MAST4: variants seen among roughly 807,000 people sequenced by gnomAD.
The protein encoded by MAST4 is microtubule-associated serine/threonine-protein kinase 4.
MAST4 carries 89 observed loss-of-function variants against 162.7 expected under a neutral mutation model. The ratio of observed to expected loss-of-function variants is 0.55; its 90% CI spans 0.46 to 0.65. MAST4 has a LOEUF of 0.65. Ranked by LOEUF, MAST4 falls within the 30% of genes least tolerant of loss-of-function variation. The pLI, the probability that MAST4 is intolerant of heterozygous loss-of-function variation, is 0.00. For missense variants in MAST4, 3,153 were observed against 3,374.0 expected (o/e 0.93, Z 1.62); for synonymous variants, 1,479 against 1,361.1 (o/e 1.09, Z -1.91).
rs188829255 is a variant in MAST4, at chr5:67,039,504, A to G, written c.675-14900A>G. Among the ~76,000 whole-genome samples, 123 of 152,278 alleles carry G rather than the reference A, an allele frequency of 8.1e-4. 2 individuals carry two copies. Among genetic ancestry groups the G allele is most frequent in the Non-Finnish European group, 1.5e-4 (10 of 68,016 alleles). On this transcript the variant is annotated intron_variant, in intron 4 of 28. Transcript: ENST00000403625. ...TGTCTGGTGAATATGGTGAGGAGGA[A>G]TTGATGTGTTATCCTGGAGCTTGGA...
At chr5:66,994,894 TGAAA>T (rs1488371285) in intron 4 of MAST4, among the ~76,000 whole-genome samples, 3 of 152,182 alleles carry the variant, frequency 2.0e-5, no homozygotes, top group African/African-American at 7.2e-5. Flanking sequence ...TTTTGAGCAG[TGAAA>T]GAAAGCTTTT....
chr5:67,096,147 G>A (rs538139595), intron 7 of MAST4, among the ~76,000 whole-genome samples: 1 of 152,062 alleles, frequency 6.6e-6, no homozygotes, highest in South Asian at 2.1e-4. Flanking sequence ...TGCCTTCTAG[G>A]TAAGAACTTT....
chr5:67,035,450 C>T (rs1380939532), intron 4 of MAST4, among the ~76,000 whole-genome samples: 4 of 152,154 alleles, frequency 2.6e-5, no homozygotes, highest in Non-Finnish European at 5.9e-5. Flanking sequence ...TTAGGGCTGG[C>T]TGGTACTTCT....
chr5:66,824,079 T>C (rs1580541880), intron 3 of MAST4, among the ~76,000 whole-genome samples: 2 of 152,230 alleles, frequency 1.3e-5, no homozygotes, highest in East Asian at 3.8e-4. Flanking sequence ...CTTGGCCATA[T>C]TGACTTACCT....
intron 1 of MAST4, among the ~76,000 whole-genome samples, chr5:66,646,630 A>T (rs1745858222): frequency 6.6e-6 from 1 of 152,194 alleles, no homozygotes; most frequent in Admixed American, 6.5e-5. Context: ...TTCTGTTTTA[A>T]CACCATGTAT....
intron 1 of MAST4, among the ~76,000 whole-genome samples, chr5:66,671,673 C>T (rs1580157524): frequency 6.6e-6 from 1 of 152,264 alleles, no homozygotes; most frequent in East Asian, 1.9e-4. Context: ...CAAGAATTAA[C>T]CACTCCCATA....
chr5:67,116,547 GA>G (rs1766941396), intron 12 of MAST4, among the ~76,000 whole-genome samples: 1 of 151,610 alleles, frequency 6.6e-6, no homozygotes, highest in Admixed American at 6.6e-5. Flanking sequence ...TTTGAAATAT[GA>G]CTTCTCCAGG....
intron 1 of MAST4, chr5:66,623,217 TCAAAAAA>T (rs1292692022): frequency 6.6e-6 from 1 of 152,132 alleles, no homozygotes; most frequent in African/African-American, 2.4e-5. Context: ...GAACCATGGT[TCAAAAAA>T]CTAATACCAA....
At position 66,679,625 on chromosome 5, in the gene MAST4, G is replaced by A. The variant is rs146275910; in HGVS notation, c.364-80084G>A. 2.1e-3 allele frequency among the ~76,000 whole-genome samples: 325 copies of A among 151,988 alleles called. 9 individuals carry two copies. The East Asian group carries it at 0.05, about 23-fold the overall frequency. On this transcript the variant is annotated intron_variant, in intron 1 of 28. Coordinates refer to ENST00000403625, the MANE Select transcript of MAST4 (RefSeq NM_001164664.2). ...TATCAGTGTATTTGGCAATTTTGAAGTGAACCTGTCACATGGAAATCATCC... is the reference window on the plus strand; with the variant it reads ...TATCAGTGTATTTGGCAATTTTGAAATGAACCTGTCACATGGAAATCATCC...
In MAST4 at chr5:66,850,754, C is replaced by A. The variant is rs74330384; in HGVS notation, c.643-49197C>A. 7.7e-4 allele frequency among the ~76,000 whole-genome samples: 117 copies of A among 152,162 alleles called. No homozygotes were observed. The East Asian group carries it at 0.018, about 23-fold the overall frequency. On this transcript the variant is annotated intron_variant, in intron 3 of 28. Transcript: ENST00000403625. ...CCTGAAATTTGAAATACTTCTGGTT[C>A]TAAGCATTTTGGAGAAGGATTACTT...
At chr5:66,788,625 A>G (rs774235615) in intron 2 of MAST4, 45 bp from the exon 3 acceptor site, 10 of 1,599,572 alleles carry the variant, frequency 6.3e-6, no homozygotes, top group Non-Finnish European at 7.7e-6. Flanking sequence ...TAAGACTACT[A>G]CCGGCTGCCT....
chr5:67,149,630 A>G (rs773278572), intron 24 of MAST4, 41 bp downstream of exon 24: 2 of 1,583,406 alleles, frequency 1.3e-6, no homozygotes, highest in Admixed American at 1.7e-5. Flanking sequence ...TGATTTGTGC[A>G]TGTGGTCCCA....
chr5:67,049,027 A>ATATATATATACGTATATATATATATACG (rs1561576276), intron 4 of MAST4, among the ~76,000 whole-genome samples: 2 of 84,034 alleles, frequency 2.4e-5, no homozygotes, highest in Admixed American at 1.2e-4. Context: ...ATATACGTAT[A>ATATATATATACGTATATATATATATACG]TATATATATA....
chr5:67,092,475 G>T (rs528704487), intron 6 of MAST4, among the ~76,000 whole-genome samples: 77 of 152,312 alleles, frequency 5.1e-4, no homozygotes, highest in African/African-American at 1.8e-3. Flanking sequence ...TATAGATTTT[G>T]TCTGGAGGAA....
At position 66,829,410 on chromosome 5, in the gene MAST4, G is replaced by T. The variant is rs141012025; in HGVS notation, c.642+40616G>T. On this transcript the variant is annotated intron_variant, in intron 3 of 28. Coordinates refer to ENST00000403625, the MANE Select transcript of MAST4 (RefSeq NM_001164664.2). ...ATTTGTTTATGTTGAGATGAGAAAA[G>T]ATATGTAACTCACTGCCTTGCTTTT... 1.7e-4 allele frequency among the ~76,000 whole-genome samples: 26 copies of T among 152,232 alleles called. No homozygotes were observed. The East Asian group carries it at 4.8e-3, about 28-fold the overall frequency.
At chr5:66,663,482 G>C (rs1053943143) in intron 1 of MAST4, among the ~76,000 whole-genome samples, 2 of 152,130 alleles carry the variant, frequency 1.3e-5, no homozygotes, top group Admixed American at 6.5e-5. Context: ...GTCTTTTACT[G>C]GTCAGTTATG....
chr5:66,993,927 C>CG lies in MAST4; in HGVS notation c.675-60477_675-60476insG, dbSNP rs1554078120. ...TCAATGGGTGTGCAGAAGACCCCCC[C>CG]CCCCACCCCACCAAATCTGCATTTC... On this transcript the variant is annotated intron_variant, in intron 4 of 28. Coordinates refer to ENST00000403625, the MANE Select transcript of MAST4 (RefSeq NM_001164664.2). 6.1e-4 allele frequency among the ~76,000 whole-genome samples: 52 copies of CG among 85,210 alleles called. 2 individuals are homozygous for CG. The Admixed American group carries it at 6.5e-3, about 11-fold the overall frequency. The allele number at this position is 85,210 out of a possible 152,430, so 55.9% of individuals were successfully genotyped here. A position where few individuals can be genotyped will look rare whatever the true frequency, so the allele number is the denominator to read the frequency against.
intron 1 of MAST4, among the ~76,000 whole-genome samples, chr5:66,599,331 G>A (rs1742406353): frequency 6.6e-6 from 1 of 152,158 alleles, no homozygotes; most frequent in African/African-American, 2.4e-5. Context: ...TCCTCAAAAA[G>A]CACACCAGAG....
intron 1 of MAST4, among the ~76,000 whole-genome samples, chr5:66,606,327 G>T (rs1742880269): frequency 6.6e-6 from 1 of 152,042 alleles, no homozygotes; most frequent in Non-Finnish European, 1.5e-5. Flanking sequence ...AGAATGTCAT[G>T]GTATGTTTTC....
Sources: allele counts gnomAD v4.1 joint callset (sites outside exome capture counted in the v4.1 genomes callset), GRCh38; gene constraint gnomAD v4.1.1; transcripts MANE v1.5; gene names NCBI Gene and HGNC (gene_info 2026-07-23, HGNC 2026-07-21).